The following GAK variants were observed in gnomAD, a reference collection of about 807,000 sequenced individuals.
GAK encodes the protein cyclin-G-associated kinase.
A neutral mutation model predicts 143.9 loss-of-function variants in GAK; 79 were observed. That is an observed-to-expected ratio of 0.55 (90% CI 0.46 to 0.66). The LOEUF (loss-of-function observed/expected upper bound fraction) is 0.66. GAK is among the 30% of genes least tolerant of loss of function. The pLI is 0.00. For missense variants in GAK, 1,693 were observed against 1,779.7 expected (o/e 0.95, Z 0.88); for synonymous variants, 881 against 765.5 (o/e 1.15, Z -2.49).
At chr4:929,612 G>A (rs568769415) in intron 1 of GAK, among the ~76,000 whole-genome samples, 8 of 152,080 alleles carry the variant, frequency 5.3e-5, no homozygotes, top group Admixed American at 4.6e-4. Flanking sequence ...CCAGCTACTC[G>A]GGAGGCCGAG....
In GAK at chr4:913,619, C is replaced by T; in HGVS notation, c.195G>A (p.Glu65=). The T allele has an allele frequency of 6.2e-7, 1 of 1,613,300 alleles. No homozygotes were observed. ...YEAQDVGSGR[E]YALKRLLSNE... is the part of the protein sequence containing the mutation. ...AATGGTTCATTACCTTTAATGCATA[C>T]TCTCTGCCACTCCCCACATCTTGAG... Residue 65 remains glutamate, a synonymous_variant, in exon 2 of 28, where the codon GAG becomes GAA. Coordinates refer to ENST00000314167, the MANE Select transcript of GAK (RefSeq NM_005255.4).
rs942786338 is a variant in GAK at position 932,233 on chromosome 4, C to T, written c.-46G>A. 1.3e-6 allele frequency: 2 copies of T among 1,483,926 alleles called. No homozygotes were observed. Among genetic ancestry groups the T allele is most frequent in the Admixed American group, 2.3e-5 (1 of 43,992 alleles). 91.9% of individuals were successfully genotyped at this position (1,483,926 alleles called of 1,614,324 possible). On this transcript the variant is annotated 5_prime_UTR_variant, in exon 1 of 28. Transcript: ENST00000314167. This position sits in a 1 kb window ranked among gnomAD's most constrained non-coding sequence, Gnocchi z 4.0. ...CCGCGGCAGCCGGAGTGGTCGGGCT[C>T]GGGCTCCCGCTCCCTCGCCGTCCGG...
In GAK at chr4:851,513, A is replaced by C. The variant is rs552539441; in HGVS notation, c.3508+237T>G. On this transcript the variant is annotated intron_variant, in intron 25 of 27. Coordinates refer to ENST00000314167, the MANE Select transcript of GAK (RefSeq NM_005255.4). ...AAGAGGGAAGACAAGACAGGGTTGC[A>C]AAGGCCATTTGTTAAAAACAGGTCA... is the stretch of plus-strand genomic sequence containing the variant. The C allele has an allele frequency of 5.1e-6, 3 of 590,066 alleles. No homozygotes were observed. In the African/African-American group the frequency reaches 5.6e-5, roughly 11 times the overall value. The allele number at this position is 590,066 out of a possible 1,614,324, so 36.6% of individuals were successfully genotyped here. A position where few individuals can be genotyped will look rare whatever the true frequency, so the allele number is the denominator to read the frequency against.
chr4:882,540 C>A (rs904865435), intron 14 of GAK, among the ~76,000 whole-genome samples, 157 bp downstream of exon 14: 12 of 152,250 alleles, frequency 7.9e-5, no homozygotes, highest in African/African-American at 2.9e-4. Context: ...CATCTGTCCC[C>A]TCCAGACCCA....
chr4:897,519 C>A (rs1719027456), intron 6 of GAK, among the ~76,000 whole-genome samples: 1 of 152,148 alleles, frequency 6.6e-6, no homozygotes, highest in South Asian at 2.1e-4. Context: ...CATCTATCTG[C>A]CCATCTCTGG....
Position 884,070 on chromosome 4 carries a change from G to C in GAK, c.1222C>G (p.Leu408Val). The C allele has an allele frequency of 6.2e-7, 1 of 1,613,800 alleles. No homozygotes were observed. Among genetic ancestry groups the C allele is most frequent in the Non-Finnish European group, 8.5e-7 (1 of 1,179,802 alleles). ...CTGGATGTGATGTAAGATATGTCCA[G>C]GTCACCCTTTGCATAACTGGAATTA... Reference protein sequence around the residue: ...QSVANYAKGDLDISYITSRIA... With the variant: ...QSVANYAKGDVDISYITSRIA... The change falls in exon 12 of 28, where the codon CTG (leucine) becomes GTG (valine). Residue 408 changes from leucine (L) to valine (V), a missense_variant. Physicochemically the swap from Leu to Val is conservative, Grantham distance 32. This residue lies in a region of GAK where 871 missense variants were observed against 991.0 expected (regional missense o/e 0.88). Coordinates refer to ENST00000314167, the MANE Select transcript of GAK (RefSeq NM_005255.4).
chr4:877,294 C>T (rs1714140786), intron 16 of GAK, 87 bp from the exon 17 acceptor site: 5 of 926,132 alleles, frequency 5.4e-6, no homozygotes, highest in African/African-American at 1.7e-5. Flanking sequence ...AGAAATTGTC[C>T]ACTTAGCTAA....
At chr4:907,842 C>T (rs770586867) in intron 4 of GAK, among the ~76,000 whole-genome samples, 3 of 152,360 alleles carry the variant, frequency 2.0e-5, no homozygotes, top group Middle Eastern at 6.8e-3. Flanking sequence ...GCACATGCTG[C>T]TCCAGACAGG....
At position 883,311 on chromosome 4, in the gene GAK, A is replaced by G. The variant is rs778258024; in HGVS notation, c.1404+4T>C. On this transcript the variant is annotated splice_donor_region_variant and intron_variant, in intron 13 of 27. Coordinates refer to ENST00000314167, the MANE Select transcript of GAK (RefSeq NM_005255.4). ...GCACCAAGACAAAGCCTGTGGCCACACACCCGGTTGTGGAACCTGGAGGGC... is the reference window on the plus strand; with the variant it reads ...GCACCAAGACAAAGCCTGTGGCCACGCACCCGGTTGTGGAACCTGGAGGGC... 2 of 1,613,106 alleles carry G rather than the reference A, an allele frequency of 1.2e-6. No individual in the cohort carries two copies. The highest frequency in any genetic ancestry group is 2.2e-5 in the East Asian group (1 of 44,866).
chr4:855,099 A>G (rs900032565), intron 24 of GAK, among the ~76,000 whole-genome samples: 3 of 152,206 alleles, frequency 2.0e-5, no homozygotes, highest in Non-Finnish European at 4.4e-5. Context: ...TACACTGTAC[A>G]GTAAGCTCAT....
At chr4:919,440 G>A (rs1428818624) in intron 1 of GAK, among the ~76,000 whole-genome samples, 1 of 152,258 alleles carries the variant, frequency 6.6e-6, no homozygotes. Flanking sequence ...ACAGGTCTCT[G>A]GGTGCCTCCC....
Position 867,134 on chromosome 4 carries a change from C to A in GAK, c.2694G>T (p.Pro898=), listed in dbSNP as rs547097269. The A allele has an allele frequency of 5.0e-6, 8 of 1,586,848 alleles. No individual in the cohort carries two copies. The South Asian group carries it at 9.1e-5, about 18-fold the overall frequency. The part of the protein sequence containing the change: ...SEVGAGPAVP[P]QACKAPSSNT... Reference sequence around the variant, plus strand: ...TGCTGGAGGGGGCCTTGCAGGCCTGCGGGGGTACAGCTGGCCCTGCGCCCA... The same window carrying A: ...TGCTGGAGGGGGCCTTGCAGGCCTGAGGGGGTACAGCTGGCCCTGCGCCCA... The change falls in exon 21 of 28, where the codon CCG becomes CCT. Residue 898 remains proline, a synonymous_variant. Coordinates refer to ENST00000314167, the MANE Select transcript of GAK (RefSeq NM_005255.4).
chr4:850,860 A>C (rs765183365), intron 26 of GAK, 76 bp downstream of exon 26: 2 of 1,511,330 alleles, frequency 1.3e-6, no homozygotes, highest in Non-Finnish European at 8.9e-7. Context: ...CGCCGGCTCC[A>C]TAAGGCACAG....
chr4:926,374 C>T (rs569123179), intron 1 of GAK, among the ~76,000 whole-genome samples: 25 of 152,206 alleles, frequency 1.6e-4, no homozygotes, highest in Non-Finnish European at 2.9e-4. Context: ...TCCTCCAGGG[C>T]ACAATGCGCA....
intron 15 of GAK, among the ~76,000 whole-genome samples, chr4:881,033 C>T (rs1003849818): frequency 4.6e-5 from 7 of 152,218 alleles, no homozygotes; most frequent in African/African-American, 1.7e-4. Context: ...CGGCAATGAT[C>T]TCCTCCCCCC....
chr4:878,232 T>C (rs73207794), intron 15 of GAK, among the ~76,000 whole-genome samples: 13,182 of 152,064 alleles, frequency 0.087, 718 homozygotes, highest in South Asian at 0.18. Context: ...CTACTAAAAA[T>C]GCAAAAATCA....
At position 867,435 on chromosome 4, in the gene GAK, G is replaced by A. The variant is rs749772080; in HGVS notation, c.2396-3C>T. 65 of 1,513,680 alleles carry A rather than the reference G, an allele frequency of 4.3e-5. 1 individual carries two copies. In the South Asian group the frequency reaches 7.7e-4, roughly 18 times the overall value. The allele number at this position is 1,513,680 out of a possible 1,614,324, so 93.8% of individuals were successfully genotyped here. A position where few individuals can be genotyped will look rare whatever the true frequency, so the allele number is the denominator to read the frequency against. On this transcript the variant is annotated splice_region_variant and splice_polypyrimidine_tract_variant and intron_variant, in intron 20 of 27. Transcript: ENST00000314167. Reference sequence around the variant, plus strand: ...ACCAGTCTCTGCCTCCTTCTCTTCTGCGAAAAGGAAACAAAACCACAGGCT... The same window carrying A: ...ACCAGTCTCTGCCTCCTTCTCTTCTACGAAAAGGAAACAAAACCACAGGCT...
intron 8 of GAK, among the ~76,000 whole-genome samples, 170 bp downstream of exon 8, chr4:893,704 C>T (rs779047309): frequency 1.1e-4 from 15 of 137,400 alleles, no homozygotes; most frequent in Non-Finnish European, 1.6e-4. Context: ...GCGGGGTGGG[C>T]GGCAGGGGAG....
chr4:912,387 C>A (rs554872279), intron 3 of GAK: 2 of 373,294 alleles, frequency 5.4e-6, no homozygotes, highest in East Asian at 1.3e-4. Context: ...AGGCCATCTG[C>A]ACGGCTCTCA....
Sources: gnomAD v4.1 joint callset for allele counts (sites outside exome capture counted in the v4.1 genomes callset) on GRCh38, gnomAD v4.1.1 for gene constraint, gnomAD v4.1.1 regional missense constraint, Gnocchi (gnomAD v3.1) non-coding constraint, MANE v1.5 for transcripts, NCBI Gene and HGNC (gene_info 2026-07-23, HGNC 2026-07-21) for gene names.